The following ZNF469 variants were observed in gnomAD, a reference collection of about 807,000 sequenced individuals.
ZNF469 encodes the protein zinc finger protein 469.
Under a neutral mutation model 1.0 loss-of-function variants are expected in ZNF469, and 1 was observed. The ratio of observed to expected loss-of-function variants is 1.00; its 90% CI spans 0.35 to 4.73. The LOEUF (loss-of-function observed/expected upper bound fraction) is 4.73, where lower values mean the gene tolerates loss of function less well. ZNF469 is among the 30% of genes most tolerant of loss of function. The pLI is 0.16. For missense variants in ZNF469, 6,100 were observed against 5,356.3 expected, an observed-to-expected ratio of 1.14 and a Z score of -4.33; for synonymous variants, 2,703 against 2,363.4, an observed-to-expected ratio of 1.14 and a Z score of -4.17.
rs1453917259 is a variant in ZNF469 at position 88,434,473 on chromosome 16, G to T, written c.7003G>T (p.Ala2335Ser). The T allele has an allele frequency of 6.5e-7, 1 of 1,549,858 alleles. No individual in the cohort carries two copies. The highest frequency in any genetic ancestry group is 8.7e-7 in the Non-Finnish European group (1 of 1,146,942). ...GHSSYSPSNTARLGHREGQAV... is the reference protein window; with the variant it reads ...GHSSYSPSNTSRLGHREGQAV... ...CTCCTCGTATTCTCCAAGCAATACT[G>T]CCCGCCTCGGCCACAGGGAGGGCCA... is the stretch of plus-strand genomic sequence containing the variant. The change falls in exon 3 of 3, where the codon GCC (alanine) becomes TCC (serine). Residue 2335 changes from alanine to serine, a missense_variant. Physicochemically the swap from Ala to Ser is moderately conservative, Grantham distance 99. Transcript: ENST00000565624.
At chr16:88,236,014 T>A in the ZNF469 span, among the ~76,000 whole-genome samples, 2 of 152,220 alleles carry the variant, frequency 1.3e-5, no homozygotes, top group Non-Finnish European at 2.9e-5. Flanking sequence ...GTTAAGTTAT[T>A]ATCTGATCAC....
the ZNF469 span, among the ~76,000 whole-genome samples, chr16:88,231,675 G>C: frequency 1.2e-4 from 18 of 152,190 alleles, no homozygotes; most frequent in African/African-American, 4.3e-4. The surrounding 1 kb of genome is among the most constrained non-coding windows in gnomAD (Gnocchi z 4.5). Flanking sequence ...CTCTGACTCT[G>C]TGTTCCTTCT....
chr16:88,313,154 G>A, the ZNF469 span, among the ~76,000 whole-genome samples: 1 of 152,168 alleles, frequency 6.6e-6, no homozygotes, highest in Non-Finnish European at 1.5e-5. Flanking sequence ...TCATGTGGCT[G>A]AGGCACATTT....
At chr16:88,285,452 C>T in the ZNF469 span, among the ~76,000 whole-genome samples, 2 of 152,238 alleles carry the variant, frequency 1.3e-5, no homozygotes, top group Admixed American at 6.5e-5. Flanking sequence ...GGAGGCCACA[C>T]TGTCACAGCA....
chr16:88,214,965 A>T, the ZNF469 span, among the ~76,000 whole-genome samples: 38 of 152,174 alleles, frequency 2.5e-4, no homozygotes, highest in Admixed American at 3.9e-4. Flanking sequence ...TCTGCAGAAA[A>T]TGTCCCTCTT....
the ZNF469 span, among the ~76,000 whole-genome samples, chr16:88,377,396 G>A: frequency 3.3e-5 from 5 of 152,240 alleles, no homozygotes; most frequent in Non-Finnish European, 1.5e-5. Flanking sequence ...ACGTGAATGT[G>A]TGAGCCGGTG....
At chr16:88,177,660 A>C in the ZNF469 span, 1 of 152,192 alleles carries the variant, frequency 6.6e-6, no homozygotes, top group Non-Finnish European at 1.5e-5. This position sits in a 1 kb window ranked among gnomAD's most constrained non-coding sequence, Gnocchi z 4.8. Flanking sequence ...CATCAGAGTG[A>C]AACTCGCTCA....
the ZNF469 span, among the ~76,000 whole-genome samples, chr16:88,160,614 GCT>G: frequency 6.6e-6 from 1 of 152,180 alleles, no homozygotes; most frequent in Admixed American, 6.5e-5. Flanking sequence ...CAACAACTTA[GCT>G]AAAATCTTCC....
At chr16:88,292,917 G>A in the ZNF469 span, among the ~76,000 whole-genome samples, 1 of 151,932 alleles carries the variant, frequency 6.6e-6, no homozygotes, top group African/African-American at 2.4e-5. Flanking sequence ...CAGTCTCTCT[G>A]AGGAGCACGA....
chr16:88,325,854 C>T, the ZNF469 span, among the ~76,000 whole-genome samples: 19 of 152,224 alleles, frequency 1.2e-4, no homozygotes, highest in African/African-American at 4.6e-4. Context: ...GATGGGGCTG[C>T]AGGGCAGAAG....
At chr16:88,333,863 A>AGTGTGGGTGTGT in the ZNF469 span, among the ~76,000 whole-genome samples, 1 of 140,912 alleles carries the variant, frequency 7.1e-6, no homozygotes, top group African/African-American at 2.6e-5. Context: ...GGGCAGTTGC[A>AGTGTGGGTGTGT]GTGTGTGTGT....
At chr16:88,128,752 C>T in the ZNF469 span, among the ~76,000 whole-genome samples, 1 of 152,384 alleles carries the variant, frequency 6.6e-6, no homozygotes, top group African/African-American at 2.4e-5. Flanking sequence ...CTGGGGCCCT[C>T]CCAGCCCCTC....
the ZNF469 span, among the ~76,000 whole-genome samples, chr16:88,135,748 G>GTTTTTT: frequency 1.5e-5 from 1 of 66,924 alleles, no homozygotes; most frequent in Non-Finnish European, 3.0e-5. Flanking sequence ...AGCTGGCCAT[G>GTTTTTT]TTTTTTTTTT....
At chr16:88,271,126 A>G in the ZNF469 span, among the ~76,000 whole-genome samples, 8 of 152,006 alleles carry the variant, frequency 5.3e-5, no homozygotes, top group South Asian at 1.2e-3. Context: ...AACCTGCCTT[A>G]TAGGGTTGTT....
chr16:88,303,784 T>C, the ZNF469 span, among the ~76,000 whole-genome samples: 1 of 152,194 alleles, frequency 6.6e-6, no homozygotes, highest in Non-Finnish European at 1.5e-5. Flanking sequence ...AGGGGTGGGC[T>C]CCTCATCTGG....
chr16:88,202,102 T>C, the ZNF469 span, among the ~76,000 whole-genome samples: 2 of 151,932 alleles, frequency 1.3e-5, no homozygotes, highest in African/African-American at 4.8e-5. Context: ...GTGGCCAGAG[T>C]GGCTGGAATG....
intron 1 of ZNF469, among the ~76,000 whole-genome samples, chr16:88,386,325 G>T (rs994559373): frequency 6.6e-6 from 1 of 152,034 alleles, no homozygotes. Flanking sequence ...GGTCCTCATG[G>T]GTTCATCTCA....
At chr16:88,170,253 A>G in the ZNF469 span, among the ~76,000 whole-genome samples, 1 of 152,204 alleles carries the variant, frequency 6.6e-6, no homozygotes, top group Non-Finnish European at 1.5e-5. The surrounding 1 kb of genome is among the most constrained non-coding windows in gnomAD (Gnocchi z 4.2). Flanking sequence ...CAATCCAGCT[A>G]ATTGTCACAT....
At chr16:88,224,626 C>A in the ZNF469 span, among the ~76,000 whole-genome samples, 3 of 152,182 alleles carry the variant, frequency 2.0e-5, no homozygotes, top group African/African-American at 7.2e-5. Flanking sequence ...AGCAGGAGGG[C>A]GTCTGGGCTG....
Sources: gnomAD v4.1 joint callset for allele counts (sites outside exome capture counted in the v4.1 genomes callset) on GRCh38, gnomAD v4.1.1 for gene constraint, Gnocchi (gnomAD v3.1) non-coding constraint, MANE v1.5 for transcripts, NCBI Gene and HGNC (gene_info 2026-07-23, HGNC 2026-07-21) for gene names.